TMEM114: variants seen among roughly 807,000 people sequenced by gnomAD.
TMEM114 encodes transmembrane protein 114, also known as claudin-26.
A neutral mutation model predicts 6.2 loss-of-function variants in TMEM114; 6 were observed. The observed-to-expected ratio is 0.97, with a 90% CI of 0.53 to 1.91. TMEM114 has a LOEUF of 1.91. TMEM114 is among the 40% of genes most tolerant of loss of function. The probability of loss-of-function intolerance (pLI) is 0.01; values close to 1 mark genes in which losing one functional copy is unlikely to be tolerated. For synonymous variants in TMEM114, 104 were observed against 73.0 expected (o/e 1.42, Z -2.16); for missense variants, 218 against 158.3 (o/e 1.38, Z -2.02).
chr16:8,572,273 C>G, intron 2 of TMEM114, 49 bp from the exon 3 acceptor site: 2 of 1,549,458 alleles, frequency 1.3e-6, no homozygotes, highest in Non-Finnish European at 1.7e-6. Context: ...TACTAACATC[C>G]TTCATTCAAT....
intron 2 of TMEM114, among the ~76,000 whole-genome samples, chr16:8,563,699 T>TAGTGACTGAGTGAGTG (rs1901383045): frequency 7.3e-6 from 1 of 136,822 alleles, no homozygotes; most frequent in Non-Finnish European, 1.6e-5. Flanking sequence ...ATGAGTGAGT[T>TAGTGACTGAGTGAGTG]AGTGAATGAG....
chr16:8,546,019 G>A (rs1190244096), intron 2 of TMEM114, among the ~76,000 whole-genome samples: 3 of 152,154 alleles, frequency 2.0e-5, no homozygotes, highest in Non-Finnish European at 2.9e-5. Context: ...GGAGGCTGAG[G>A]CGGGAGGATC....
intron 2 of TMEM114, among the ~76,000 whole-genome samples, chr16:8,545,680 G>A (rs2141653370): frequency 6.6e-6 from 1 of 152,318 alleles, no homozygotes; most frequent in Non-Finnish European, 1.5e-5. Flanking sequence ...TGAGGCTGAT[G>A]CTGCTGATCT....
intron 2 of TMEM114, among the ~76,000 whole-genome samples, chr16:8,542,434 A>C (rs1900542342): frequency 6.6e-6 from 1 of 152,190 alleles, no homozygotes; most frequent in African/African-American, 2.4e-5. Context: ...TAAATTCCCA[A>C]GTCTGCTCCT....
chr16:8,562,037 T>C (rs1376973581), intron 2 of TMEM114, among the ~76,000 whole-genome samples: 1 of 148,944 alleles, frequency 6.7e-6, no homozygotes, highest in Non-Finnish European at 1.5e-5. Context: ...AATGAGTGAG[T>C]AAATGAGTGA....
chr16:8,561,929 TG>T (rs1901230205), intron 2 of TMEM114, among the ~76,000 whole-genome samples: 1 of 19,532 alleles, frequency 5.1e-5, no homozygotes, highest in African/African-American at 2.2e-4. Context: ...AGTGAATGAG[TG>T]AGTGAGTAAG....
intron 2 of TMEM114, among the ~76,000 whole-genome samples, chr16:8,561,990 A>T (rs7405305): frequency 1.3e-5 from 2 of 148,918 alleles, no homozygotes; most frequent in Non-Finnish European, 3.0e-5. Flanking sequence ...ATGAGTGAGT[A>T]TATGAATGAG....
intron 2 of TMEM114, among the ~76,000 whole-genome samples, chr16:8,562,585 T>C (rs554766097): frequency 2.8e-5 from 1 of 35,860 alleles, no homozygotes; most frequent in Non-Finnish European, 6.6e-5. Context: ...AGTGAGGAAA[T>C]AAGTAAGTGA....
intron 2 of TMEM114, among the ~76,000 whole-genome samples, chr16:8,553,729 C>A (rs1004322276): frequency 2.0e-5 from 3 of 152,078 alleles, no homozygotes; most frequent in African/African-American, 7.2e-5. Context: ...GGTCCGCCCA[C>A]CTCGGCCTCC....
At chr16:8,546,226 CTGAT>C (rs1314440867) in intron 2 of TMEM114, among the ~76,000 whole-genome samples, 1 of 152,208 alleles carries the variant, frequency 6.6e-6, no homozygotes, top group African/African-American at 2.4e-5. Flanking sequence ...ATGTTTCAGA[CTGAT>C]TGTGTATACT....
chr16:8,547,118 T>TCAATGAG (rs1015441297), intron 2 of TMEM114, among the ~76,000 whole-genome samples: 7 of 152,210 alleles, frequency 4.6e-5, no homozygotes, highest in Non-Finnish European at 1.0e-4. Context: ...AGGGATCGTG[T>TCAATGAG]GGTCTCATTG....
downstream of TMEM114, among the ~76,000 whole-genome samples, chr16:8,564,599 G>T (rs1464637172): frequency 6.7e-6 from 1 of 148,280 alleles, no homozygotes; most frequent in Admixed American, 6.7e-5. Context: ...GTGAGTGACG[G>T]AGGGAGGGAA....
intron 2 of TMEM114, among the ~76,000 whole-genome samples, chr16:8,581,143 A>G (rs1000234139): frequency 3.9e-5 from 6 of 152,204 alleles, no homozygotes; most frequent in Non-Finnish European, 7.3e-5. Context: ...AAAAGGTGTA[A>G]TATTGGGGAG....
At chr16:8,529,252 G>A in the TMEM114 span, among the ~76,000 whole-genome samples, 3 of 152,188 alleles carry the variant, frequency 2.0e-5, no homozygotes, top group African/African-American at 7.2e-5. Flanking sequence ...CTAGGATTAT[G>A]TGTGCATCCC....
chr16:8,567,919 AG>A (rs1242710566), downstream of TMEM114, among the ~76,000 whole-genome samples: 1 of 152,122 alleles, frequency 6.6e-6, no homozygotes, highest in East Asian at 1.9e-4. Context: ...GCGCTCATTT[AG>A]CCCCATGTGG....
intron 2 of TMEM114, among the ~76,000 whole-genome samples, chr16:8,563,443 AAGTGAATGAGTG>A (rs1241537928): frequency 5.3e-5 from 7 of 132,528 alleles, no homozygotes; most frequent in South Asian, 5.1e-4. Context: ...GGCAATGAGT[AAGTGAATGAGTG>A]AGTGAATGAG....
intron 2 of TMEM114, among the ~76,000 whole-genome samples, chr16:8,561,023 C>A (rs1309024257): frequency 6.6e-6 from 1 of 152,194 alleles, no homozygotes; most frequent in Non-Finnish European, 1.5e-5. Flanking sequence ...CTCTTAAAAA[C>A]CATCAGGTTT....
At chr16:8,556,911 G>C in intron 2 of TMEM114, among the ~76,000 whole-genome samples, 1 of 152,256 alleles carries the variant, frequency 6.6e-6, no homozygotes, top group East Asian at 1.9e-4. Context: ...GTGGCCTTCC[G>C]TAATGTGGCC....
At position 8,547,144 on chromosome 16, in the gene TMEM114, G is replaced by A. The variant is rs148133536; in HGVS notation, n.213-9318C>T. 3.5e-3 allele frequency among the ~76,000 whole-genome samples: 527 copies of A among 152,228 alleles called. 2 individuals are homozygous for A. Among genetic ancestry groups the A allele is most frequent in the Middle Eastern group, 0.014 (4 of 294 alleles). On this transcript the variant is annotated intron_variant and non_coding_transcript_variant, in intron 2 of 2. Coordinates refer to the TMEM114 transcript ENST00000623677. ...GGTCTCATTGACAGCAAATACGGCT[G>A]GGGGAAAAGGGGGGTCGTCAAGGAA...
Sources: allele counts gnomAD v4.1 joint callset (sites outside exome capture counted in the v4.1 genomes callset), GRCh38; gene constraint gnomAD v4.1.1; transcripts MANE v1.5; gene names NCBI Gene and HGNC (gene_info 2026-07-23, HGNC 2026-07-21).